The following DCC variants were observed in gnomAD, a reference collection of about 807,000 sequenced individuals.
DCC encodes the protein netrin receptor DCC.
Under a neutral mutation model 172.5 loss-of-function variants are expected in DCC, and 58 were observed. That is an observed-to-expected ratio of 0.34 (90% CI 0.27 to 0.42). The LOEUF is 0.42. Ranked by LOEUF, DCC falls within the 10% of genes least tolerant of loss-of-function variation. The probability of loss-of-function intolerance (pLI) is 1.00; values close to 1 mark genes in which losing one functional copy is unlikely to be tolerated. For missense variants in DCC, 1,740 were observed against 1,791.0 expected, an observed-to-expected ratio of 0.97 and a Z score of 0.51; for synonymous variants, 709 against 644.5, an observed-to-expected ratio of 1.10 and a Z score of -1.52.
chr18:53,398,867 T>C (rs1203221421), intron 18 of DCC, among the ~76,000 whole-genome samples: 1 of 152,058 alleles, frequency 6.6e-6, no homozygotes, highest in Non-Finnish European at 1.5e-5. Context: ...ATGGATAGGA[T>C]CCCTGAGTGA....
intron 2 of DCC, among the ~76,000 whole-genome samples, chr18:52,788,679 A>AT (rs1308858671): frequency 1.3e-5 from 2 of 152,102 alleles, no homozygotes; most frequent in Admixed American, 1.3e-4. Context: ...AACTAGTATG[A>AT]TTTTTCATTT....
chr18:53,069,032 C>T (rs1377446827), intron 7 of DCC, among the ~76,000 whole-genome samples: 2 of 151,948 alleles, frequency 1.3e-5, no homozygotes, highest in African/African-American at 2.4e-5. Flanking sequence ...ATGGGGATGC[C>T]ACTAGCCCCC....
chr18:53,312,214 G>T (rs9304444), intron 13 of DCC, among the ~76,000 whole-genome samples: 77,207 of 145,386 alleles, frequency 0.53, 21,513 homozygotes, highest in East Asian at 0.71. Context: ...GGTGGCGGGC[G>T]TCTGTAGTCC....
chr18:52,344,837 T>C (rs1983810841), intron 1 of DCC, among the ~76,000 whole-genome samples: 2 of 152,206 alleles, frequency 1.3e-5, no homozygotes, highest in African/African-American at 4.8e-5. Context: ...AATGCAGTTG[T>C]TTCCGGGTAT....
At chr18:52,661,020 G>A (rs1487081268) in intron 1 of DCC, among the ~76,000 whole-genome samples, 1 of 152,260 alleles carries the variant, frequency 6.6e-6, no homozygotes. Context: ...AATATGGATA[G>A]GTTAACCCCC....
Position 53,322,130 on chromosome 18 carries a change from G to A in DCC, c.2137G>A (p.Ala713Thr), listed in dbSNP as rs758754832. The A allele has an allele frequency of 1.9e-6, 3 of 1,579,946 alleles. No individual in the cohort carries two copies. Among genetic ancestry groups the A allele is most frequent in the African/African-American group, 2.7e-5 (2 of 74,208 alleles). ...TGGACCACCTTCCAACTGGTATACT[G>A]CAGAGACTCCAGAGAATGATCTAGA... is the stretch of plus-strand genomic sequence containing the variant. The part of the protein sequence containing the change: ...GTGPPSNWYT[A>T]ETPENDLDES... Residue 713 changes from alanine to threonine, a missense_variant, in exon 14 of 29, where the codon GCA (alanine) becomes ACA (threonine). By Grantham distance (58) the Ala-to-Thr change is moderately conservative (BLOSUM62 0). Transcript: ENST00000442544.
chr18:53,071,492 T>A, intron 7 of DCC, among the ~76,000 whole-genome samples: 1 of 152,346 alleles, frequency 6.6e-6, no homozygotes, highest in African/African-American at 2.4e-5. Flanking sequence ...CACACAGTGC[T>A]ATCTATGCAA....
intron 24 of DCC, among the ~76,000 whole-genome samples, chr18:53,464,041 T>G (rs1230005786): frequency 1.3e-5 from 2 of 152,204 alleles, no homozygotes. Context: ...GCCACTAAAA[T>G]ATCTAGGAAT....
rs2057804135 is a variant in DCC at position 53,351,405 on chromosome 18, A to ATATATACTG, written c.2359+11504_2359+11505insCTGTATATA. Among the ~76,000 whole-genome samples the ATATATACTG allele has an allele frequency of 1.0e-3, 12 of 12,008 alleles. 1 individual carries two copies. In the South Asian group the frequency reaches 0.043, roughly 43 times the overall value. The allele number at this position is 12,008 out of a possible 152,430, so 7.9% of individuals were successfully genotyped here. A position where few individuals can be genotyped will look rare whatever the true frequency, so the allele number is the denominator to read the frequency against. On this transcript the variant is annotated intron_variant, in intron 15 of 28. Coordinates refer to ENST00000442544, the MANE Select transcript of DCC (RefSeq NM_005215.4). ...TACAGTATATATATATACAGTGTAT[A>ATATATACTG]TATATATATATACACACTGTGTATA...
intron 1 of DCC, among the ~76,000 whole-genome samples, chr18:52,615,245 A>G (rs996829714): frequency 1.3e-5 from 2 of 152,166 alleles, no homozygotes; most frequent in Admixed American, 6.5e-5. Flanking sequence ...GTTCTGATCA[A>G]TTTATGTCAG....
chr18:52,415,623 C>T (rs987380150), intron 1 of DCC, among the ~76,000 whole-genome samples: 20 of 152,044 alleles, frequency 1.3e-4, no homozygotes, highest in African/African-American at 2.4e-4. Context: ...GAGAGAATTG[C>T]GAGAGTATGG....
chr18:53,064,038 G>A (rs933323217), intron 6 of DCC, among the ~76,000 whole-genome samples: 12 of 152,098 alleles, frequency 7.9e-5, no homozygotes, highest in Non-Finnish European at 1.6e-4. Context: ...AAGAACCAGA[G>A]TACACATTGC....
At chr18:53,463,851 G>A (rs140512869) in intron 24 of DCC, among the ~76,000 whole-genome samples, 357 of 152,214 alleles carry the variant, frequency 2.3e-3, no homozygotes, top group Non-Finnish European at 3.8e-3. Flanking sequence ...CCAGAAATTA[G>A]TTTACAGTAT....
chr18:53,359,384 T>G (rs2144927331), intron 15 of DCC, among the ~76,000 whole-genome samples: 1 of 152,290 alleles, frequency 6.6e-6, no homozygotes, highest in South Asian at 2.1e-4. Flanking sequence ...ATTATCTTTC[T>G]TATGCTTTTT....
chr18:52,690,486 A>G (rs925009463), intron 1 of DCC, among the ~76,000 whole-genome samples: 1 of 152,198 alleles, frequency 6.6e-6, no homozygotes, highest in Admixed American at 6.6e-5. Flanking sequence ...TGACAAAATT[A>G]CAGAAATGAA....
chr18:52,391,205 T>G (rs755449960), intron 1 of DCC, among the ~76,000 whole-genome samples: 5 of 152,106 alleles, frequency 3.3e-5, no homozygotes, highest in Non-Finnish European at 7.4e-5. Context: ...CAGGATCAAT[T>G]TGGAGCCTAT....
intron 12 of DCC, among the ~76,000 whole-genome samples, chr18:53,229,579 G>C (rs929469907): frequency 1.3e-5 from 2 of 152,050 alleles, no homozygotes; most frequent in South Asian, 4.2e-4. Context: ...CTGGCAGCTT[G>C]AAATTGGCCT....
At chr18:52,350,551 A>G (rs994934374) in intron 1 of DCC, among the ~76,000 whole-genome samples, 1 of 152,162 alleles carries the variant, frequency 6.6e-6, no homozygotes, top group Non-Finnish European at 1.5e-5. Context: ...GGGGAGGGAT[A>G]GCAATAGGAG....
At chr18:53,222,456 C>T (rs2055955855) in intron 12 of DCC, among the ~76,000 whole-genome samples, 1 of 143,914 alleles carries the variant, frequency 6.9e-6, no homozygotes. Flanking sequence ...GTGATCTCAG[C>T]TCACTGCAAC....
Sources: gnomAD v4.1 joint callset for allele counts (sites outside exome capture counted in the v4.1 genomes callset) on GRCh38, gnomAD v4.1.1 for gene constraint, MANE v1.5 for transcripts, NCBI Gene and HGNC (gene_info 2026-07-23, HGNC 2026-07-21) for gene names.